The following NPAS3 variants were observed in gnomAD, a reference collection of about 807,000 sequenced individuals.
NPAS3 encodes the protein neuronal PAS domain-containing protein 3.
NPAS3 carries 14 observed loss-of-function variants against 73.1 expected under a neutral mutation model. The observed-to-expected ratio is 0.19, with a 90% confidence interval of 0.13 to 0.30. NPAS3 has a LOEUF of 0.30. NPAS3 is among the 10% of genes least tolerant of loss of function. NPAS3 has a pLI of 1.00. For synonymous variants in NPAS3, 620 were observed against 541.5 expected, an observed-to-expected ratio of 1.14 and a Z score of -2.01; for missense variants, 1,096 against 1,250.0, an observed-to-expected ratio of 0.88 and a Z score of 1.86.
intron 3 of NPAS3, among the ~76,000 whole-genome samples, chr14:33,340,639 A>C (rs1232394642): frequency 6.6e-6 from 1 of 152,254 alleles, no homozygotes; most frequent in Non-Finnish European, 1.5e-5. Flanking sequence ...TGTTATGGTG[A>C]AAATGATGAG....
chr14:33,210,357 C>T (rs886141487), intron 2 of NPAS3, among the ~76,000 whole-genome samples: 1 of 150,176 alleles, frequency 6.7e-6, no homozygotes, highest in Admixed American at 6.6e-5. Flanking sequence ...CAGTAGCACC[C>T]CTTTTTTCAA....
chr14:33,544,788 T>TATATATATATATATATATATATA (rs2054707565), intron 4 of NPAS3, among the ~76,000 whole-genome samples: 1 of 63,256 alleles, frequency 1.6e-5, no homozygotes, highest in African/African-American at 8.6e-5. Context: ...TGTGTGTGTA[T>TATATATATATATATATATATATA]TATATATATA....
At chr14:33,282,379 G>A (rs904927543) in intron 3 of NPAS3, among the ~76,000 whole-genome samples, 1 of 152,146 alleles carries the variant, frequency 6.6e-6, no homozygotes, top group Admixed American at 6.6e-5. Flanking sequence ...TGAGCTAATC[G>A]ATTAAAACCG....
intron 5 of NPAS3, among the ~76,000 whole-genome samples, chr14:33,667,760 G>A (rs1349470527): frequency 6.6e-6 from 1 of 152,090 alleles, no homozygotes; most frequent in Admixed American, 6.5e-5. Context: ...TGGTATTCGG[G>A]AGGGTCAGTG....
At position 33,038,662 on chromosome 14, in the gene NPAS3, T is replaced by C. The variant is rs140600249; in HGVS notation, c.51-17243T>C. 1.5e-3 allele frequency among the ~76,000 whole-genome samples: 227 copies of C among 152,280 alleles called. 2 individuals carry two copies. Among genetic ancestry groups the C allele is most frequent in the Admixed American group, 0.013 (206 of 15,294 alleles). On this transcript the variant is annotated intron_variant, in intron 1 of 11. Transcript: ENST00000356141. ...ATAGCATTTGGGGTTAGCTGTAGTA[T>C]ATGTTGGGTACGCACACTGGAAAAT... is the stretch of plus-strand genomic sequence containing the variant.
At chr14:33,189,867 T>C (rs2046107660) in intron 2 of NPAS3, among the ~76,000 whole-genome samples, 1 of 152,196 alleles carries the variant, frequency 6.6e-6, no homozygotes, top group East Asian at 1.9e-4. Context: ...TGCAACTTTT[T>C]CATTATCGAT....
chr14:33,068,840 C>T (rs2041373359), intron 2 of NPAS3, among the ~76,000 whole-genome samples: 1 of 152,098 alleles, frequency 6.6e-6, no homozygotes, highest in African/African-American at 2.4e-5. Context: ...TGAAGGGTTC[C>T]TAATGTGTTC....
intron 3 of NPAS3, among the ~76,000 whole-genome samples, chr14:33,291,116 A>G (rs1322081335): frequency 6.6e-6 from 1 of 152,076 alleles, no homozygotes; most frequent in Non-Finnish European, 1.5e-5. Flanking sequence ...TTTGAATTGT[A>G]GGTTCAATTC....
chr14:32,978,623 G>A (rs1214653421), intron 1 of NPAS3, among the ~76,000 whole-genome samples: 1 of 152,084 alleles, frequency 6.6e-6, no homozygotes, highest in East Asian at 1.9e-4. Context: ...GGGCTCACTA[G>A]GTGTCTAGGT....
At chr14:33,557,151 G>C (rs751312898) in intron 4 of NPAS3, among the ~76,000 whole-genome samples, 1 of 149,238 alleles carries the variant, frequency 6.7e-6, no homozygotes, top group Non-Finnish European at 1.5e-5. Flanking sequence ...CTCTCCCCTT[G>C]CACTGCTTCA....
chr14:33,589,872 T>C (rs1026231707), intron 5 of NPAS3, among the ~76,000 whole-genome samples: 100 of 152,318 alleles, frequency 6.6e-4, no homozygotes, highest in Non-Finnish European at 1.1e-3. Flanking sequence ...AAATGTTTTG[T>C]TGAGATGCAG....
chr14:33,608,249 G>A (rs1394362780), intron 5 of NPAS3, among the ~76,000 whole-genome samples: 1 of 152,190 alleles, frequency 6.6e-6, no homozygotes, highest in African/African-American at 2.4e-5. Context: ...CTAGTCTTAT[G>A]TTGCTTTCCA....
chr14:33,215,955 T>C (rs534039428), intron 3 of NPAS3, among the ~76,000 whole-genome samples: 17 of 152,358 alleles, frequency 1.1e-4, no homozygotes, highest in Non-Finnish European at 2.1e-4. Flanking sequence ...TATAAACATA[T>C]ATTTTTTATT....
At chr14:33,164,058 T>C (rs187948492) in intron 2 of NPAS3, among the ~76,000 whole-genome samples, 1 of 152,336 alleles carries the variant, frequency 6.6e-6, no homozygotes, top group Non-Finnish European at 1.5e-5. Context: ...GCCTGTTGGT[T>C]TTTGCACGGC....
chr14:33,211,078 C>T (rs1349731820), intron 2 of NPAS3, among the ~76,000 whole-genome samples: 1 of 152,176 alleles, frequency 6.6e-6, no homozygotes, highest in Non-Finnish European at 1.5e-5. Context: ...TACTATGTGT[C>T]AGGCACCATT....
At chr14:33,473,703 G>C (rs1365639958) in intron 4 of NPAS3, among the ~76,000 whole-genome samples, 1 of 152,154 alleles carries the variant, frequency 6.6e-6, no homozygotes, top group Non-Finnish European at 1.5e-5. Flanking sequence ...TAGAGAGAAA[G>C]TTTTCTGGAA....
intron 5 of NPAS3, among the ~76,000 whole-genome samples, chr14:33,656,271 A>T (rs908643787): frequency 6.6e-6 from 1 of 152,010 alleles, no homozygotes; most frequent in Non-Finnish European, 1.5e-5. Context: ...AATTCAGGGC[A>T]AGGAGTCCAC....
At chr14:33,071,185 T>C (rs1481734602) in intron 2 of NPAS3, among the ~76,000 whole-genome samples, 1 of 152,190 alleles carries the variant, frequency 6.6e-6, no homozygotes, top group Non-Finnish European at 1.5e-5. Flanking sequence ...GGAACAATAC[T>C]ATTATCATCA....
At chr14:33,557,709 C>T (rs569744938) in intron 4 of NPAS3, among the ~76,000 whole-genome samples, 2 of 152,350 alleles carry the variant, frequency 1.3e-5, no homozygotes, top group East Asian at 3.9e-4. Flanking sequence ...GTGGCTCACG[C>T]CTGTAATCCC....
Sources: gnomAD v4.1 joint callset for allele counts (sites outside exome capture counted in the v4.1 genomes callset) on GRCh38, gnomAD v4.1.1 for gene constraint, MANE v1.5 for transcripts, NCBI Gene and HGNC (gene_info 2026-07-23, HGNC 2026-07-21) for gene names.